Variants in ARHGEF7 observed in about 807,000 individuals in gnomAD.
The protein encoded by ARHGEF7 is Rho guanine nucleotide exchange factor 7, also known as PAK-interacting exchange factor beta.
A neutral mutation model predicts 109.8 loss-of-function variants in ARHGEF7; 33 were observed. That is an observed-to-expected ratio of 0.30 (90% CI 0.23 to 0.40). The LOEUF is 0.40. Ranked by LOEUF, ARHGEF7 falls within the 10% of genes least tolerant of loss-of-function variation. The pLI, the probability that ARHGEF7 is intolerant of heterozygous loss-of-function variation, is 1.00. For synonymous variants in ARHGEF7, 458 were observed against 424.6 expected (o/e 1.08, Z -0.97); for missense variants, 938 against 1,098.5 (o/e 0.85, Z 2.07).
intron 12 of ARHGEF7, among the ~76,000 whole-genome samples, chr13:111,276,365 C>T (rs9588388): frequency 0.015 from 2,345 of 152,298 alleles, 52 homozygotes; most frequent in African/African-American, 0.054. Flanking sequence ...AAACTTCAAA[C>T]TTATATAGTG....
intron 21 of ARHGEF7, among the ~76,000 whole-genome samples, chr13:111,301,797 C>A (rs772482531): frequency 2.6e-5 from 4 of 152,118 alleles, no homozygotes; most frequent in Non-Finnish European, 5.9e-5. Flanking sequence ...GAGGCTGAGG[C>A]AGGAGAATTG....
Position 111,277,600 on chromosome 13 carries a change from G to T in ARHGEF7, c.1433G>T (p.Arg478Ile), listed in dbSNP as rs2092562080. 1 of 1,601,884 alleles carries T rather than the reference G, an allele frequency of 6.2e-7. No individual in the cohort carries two copies. The highest frequency in any genetic ancestry group is 8.5e-7 in the Non-Finnish European group (1 of 1,170,040). ...TTTTTGTATTAGGAAAAGAATGAAA[G>T]ATATCTTCTACTCTTCCCAAATGTT... ...QCAGSEEKNE[R>I]YLLLFPNVLL... The change falls in exon 13 of 22, where the codon AGA (arginine) becomes ATA (isoleucine). Residue 478 changes from arginine (R) to isoleucine (I), a missense_variant. Around this residue, in one of 4 missense-constraint regions of ARHGEF7, gnomAD observed 585 missense variants for 723.6 expected, o/e 0.81. Coordinates refer to ENST00000646102, the MANE Select transcript of ARHGEF7 (RefSeq NM_001354046.2).
chr13:111,133,130 C>T (rs1004116088), intron 1 of ARHGEF7, among the ~76,000 whole-genome samples: 1 of 151,918 alleles, frequency 6.6e-6, no homozygotes, highest in Non-Finnish European at 1.5e-5. Flanking sequence ...CATTTATACA[C>T]GTGCATATGT....
intron 2 of ARHGEF7, among the ~76,000 whole-genome samples, chr13:111,194,955 T>C (rs1206664468): frequency 1.3e-5 from 2 of 152,214 alleles, no homozygotes; most frequent in Non-Finnish European, 2.9e-5. Flanking sequence ...CAACTGGATA[T>C]AGAGGAATTA....
chr13:111,292,870 G>A, intron 19 of ARHGEF7: 1 of 989,478 alleles, frequency 1.0e-6, no homozygotes, highest in Non-Finnish European at 1.2e-6. Context: ...GTGCAGAACA[G>A]CATGTGGGCT....
chr13:111,221,044 GAT>G (rs202008405), intron 5 of ARHGEF7, among the ~76,000 whole-genome samples: 39 of 145,680 alleles, frequency 2.7e-4, no homozygotes, highest in African/African-American at 9.1e-4. Context: ...ATAAAGGGGA[GAT>G]ATATATATAT....
At chr13:111,133,660 G>A (rs992369930) in intron 1 of ARHGEF7, among the ~76,000 whole-genome samples, 34 of 149,376 alleles carry the variant, frequency 2.3e-4, no homozygotes, top group African/African-American at 7.1e-4. Context: ...AAATTTGGGT[G>A]TATGTGAGAC....
At chr13:111,165,427 A>C (rs2077050580) in intron 2 of ARHGEF7, among the ~76,000 whole-genome samples, 1 of 152,208 alleles carries the variant, frequency 6.6e-6, no homozygotes, top group Non-Finnish European at 1.5e-5. Context: ...TTGTTCAGCA[A>C]GTACTGGCAG....
chr13:111,175,567 G>C (rs2078065267), intron 2 of ARHGEF7, among the ~76,000 whole-genome samples: 1 of 152,198 alleles, frequency 6.6e-6, no homozygotes, highest in Non-Finnish European at 1.5e-5. Context: ...TGAGCTTTTG[G>C]GGGAAGGACT....
At chr13:111,229,895 T>C (rs1455859153) in intron 5 of ARHGEF7, among the ~76,000 whole-genome samples, 1 of 152,104 alleles carries the variant, frequency 6.6e-6, no homozygotes, top group Admixed American at 6.5e-5. Context: ...GCCTGCACAC[T>C]TCCTTGCTAT....
At chr13:111,125,234 C>T (rs1406510347) in intron 1 of ARHGEF7, among the ~76,000 whole-genome samples, 1 of 152,134 alleles carries the variant, frequency 6.6e-6, no homozygotes, top group Admixed American at 6.5e-5. Flanking sequence ...GAATGAATAT[C>T]CATGTCCTAT....
At chr13:111,148,401 T>A (rs778907269) in intron 1 of ARHGEF7, among the ~76,000 whole-genome samples, 1 of 152,242 alleles carries the variant, frequency 6.6e-6, no homozygotes, top group Non-Finnish European at 1.5e-5. Context: ...CAAGTATGTT[T>A]TAGGTACAGT....
At chr13:111,173,985 T>C (rs1210984543) in intron 2 of ARHGEF7, among the ~76,000 whole-genome samples, 1 of 152,212 alleles carries the variant, frequency 6.6e-6, no homozygotes, top group Non-Finnish European at 1.5e-5. Context: ...AAATTTGTGA[T>C]CTCCGATTGG....
chr13:111,156,605 A>C (rs957293834), intron 2 of ARHGEF7, among the ~76,000 whole-genome samples: 29 of 152,250 alleles, frequency 1.9e-4, no homozygotes, highest in African/African-American at 5.3e-4. Flanking sequence ...CAGCCTTGTA[A>C]GGTGATGTGA....
chr13:111,288,333 C>T (rs1408217000), intron 17 of ARHGEF7, 21 bp from the exon 18 acceptor site: 4 of 1,595,452 alleles, frequency 2.5e-6, no homozygotes, highest in Non-Finnish European at 3.4e-6. Context: ...CGACTGTGAA[C>T]TGTTGCGCAT....
intron 2 of ARHGEF7, among the ~76,000 whole-genome samples, chr13:111,199,220 A>C (rs1285913161): frequency 1.3e-5 from 2 of 152,102 alleles, no homozygotes; most frequent in African/African-American, 4.8e-5. Context: ...GGGCAGGGGG[A>C]GTGAATGAAA....
chr13:111,206,266 G>A (rs1053722048), intron 3 of ARHGEF7, among the ~76,000 whole-genome samples: 6 of 151,724 alleles, frequency 4.0e-5, no homozygotes, highest in African/African-American at 1.5e-4. Flanking sequence ...TGCACATTGA[G>A]GAGAGACGGG....
chr13:111,162,322 C>T (rs578175476), intron 2 of ARHGEF7, among the ~76,000 whole-genome samples: 3 of 152,204 alleles, frequency 2.0e-5, no homozygotes, highest in Non-Finnish European at 4.4e-5. Context: ...AGTCAGTCAA[C>T]ATTTCCTGCA....
intron 6 of ARHGEF7, chr13:111,241,224 G>C: frequency 6.5e-7 from 1 of 1,536,148 alleles, no homozygotes; most frequent in Non-Finnish European, 8.7e-7. Flanking sequence ...AACTGCCTGC[G>C]TCCTCTGGGT....
Sources: allele counts gnomAD v4.1 joint callset (sites outside exome capture counted in the v4.1 genomes callset), GRCh38; gene constraint gnomAD v4.1.1; regional missense constraint gnomAD v4.1.1; transcripts MANE v1.5; gene names NCBI Gene and HGNC (gene_info 2026-07-23, HGNC 2026-07-21).